The following EPB41L4B variants were observed in gnomAD, a reference collection of about 807,000 sequenced individuals.
The protein encoded by EPB41L4B is erythrocyte membrane protein band 4.1 like 4B.
A neutral mutation model predicts 112.5 loss-of-function variants in EPB41L4B; 30 were observed. The observed-to-expected ratio is 0.27, with a 90% CI of 0.20 to 0.36. The LOEUF (loss-of-function observed/expected upper bound fraction) is 0.36. EPB41L4B is among the 10% of genes least tolerant of loss of function. The pLI is 1.00. For missense variants in EPB41L4B, 1,024 were observed against 1,133.3 expected, an observed-to-expected ratio of 0.90 and a Z score of 1.38; for synonymous variants, 408 against 439.7, an observed-to-expected ratio of 0.93 and a Z score of 0.90.
At chr9:109,189,350 G>A (rs1035436335) in intron 22 of EPB41L4B, among the ~76,000 whole-genome samples, 5 of 152,226 alleles carry the variant, frequency 3.3e-5, no homozygotes, top group South Asian at 2.1e-4. Flanking sequence ...GTTGGAAAGA[G>A]TGTTTCTTTG....
intron 15 of EPB41L4B, among the ~76,000 whole-genome samples, chr9:109,222,754 GGCT>G (rs1415359151): frequency 6.6e-6 from 1 of 152,132 alleles, no homozygotes; most frequent in Non-Finnish European, 1.5e-5. Flanking sequence ...TGGAAGAAGG[GGCT>G]GCTATGTGCC....
Position 109,213,598 on chromosome 9 carries a change from C to T in EPB41L4B, c.1752+102G>A, listed in dbSNP as rs1833256499. 2.2e-5 allele frequency: 20 copies of T among 921,360 alleles called. No individual in the cohort carries two copies. The Admixed American group carries it at 3.6e-4, about 17-fold the overall frequency. The allele number at this position is 921,360 out of a possible 1,614,324, so 57.1% of individuals were successfully genotyped here. ...AGGAAAGATGGAATAGAGATCCCTC[C>T]AAGGCAAAGGCACTTGGTTTAGCAG... is the stretch of plus-strand genomic sequence containing the variant. On this transcript the variant is annotated intron_variant, in intron 17 of 25. Transcript: ENST00000374566.
rs192992314 is a variant in EPB41L4B at position 109,296,705 on chromosome 9, G to C, written c.307-16784C>G. Among the ~76,000 whole-genome samples the C allele has an allele frequency of 3.3e-5, 5 of 152,058 alleles. No individual in the cohort carries two copies. The East Asian group carries it at 9.7e-4, about 30-fold the overall frequency. On this transcript the variant is annotated intron_variant, in intron 1 of 25. Coordinates refer to ENST00000374566, the MANE Select transcript of EPB41L4B (RefSeq NM_019114.5). ...ATTCAAGATTGGCATGGGCAACACA[G>C]CCAGACCTCCATCTCTACACAAAAT...
Position 109,265,087 on chromosome 9 carries a change from CT to C in EPB41L4B, c.534-64del, listed in dbSNP as rs1003276964. 13 of 1,392,900 alleles carry C rather than the reference CT, an allele frequency of 9.3e-6. No homozygotes were observed. In the African/African-American group the frequency reaches 1.7e-4, roughly 18 times the overall value. 86.3% of individuals were successfully genotyped at this position (1,392,900 alleles called of 1,614,324 possible). ...TTTCCCAGCTGCTCCCAATCCCCAG[CT>C]TCCCACTGCAAACCCCACCCCACAC... On this transcript the variant is annotated intron_variant, in intron 4 of 25. Transcript: ENST00000374566.
At chr9:109,178,901 GT>G (rs1831945342) in intron 24 of EPB41L4B, among the ~76,000 whole-genome samples, 2 of 9,914 alleles carry the variant, frequency 2.0e-4, no homozygotes, top group Non-Finnish European at 1.9e-4. Context: ...TATACTTCAA[GT>G]AAAAAAAAAA....
At chr9:109,209,620 A>G (rs1419161571) in intron 17 of EPB41L4B, among the ~76,000 whole-genome samples, 2 of 150,400 alleles carry the variant, frequency 1.3e-5, no homozygotes, top group Non-Finnish European at 3.0e-5. Context: ...GCACTCCAGC[A>G]TGGGCAACAG....
intron 13 of EPB41L4B, among the ~76,000 whole-genome samples, chr9:109,248,456 C>A (rs1171153952): frequency 3.3e-5 from 5 of 152,196 alleles, no homozygotes; most frequent in African/African-American, 1.2e-4. Context: ...AGTTGGGAAA[C>A]CTGCTCAGGG....
At chr9:109,240,627 CAT>C in intron 15 of EPB41L4B, 1 of 985,416 alleles carries the variant, frequency 1.0e-6, no homozygotes. Flanking sequence ...TAAAAGACAA[CAT>C]ATTGATTTCT....
intron 24 of EPB41L4B, among the ~76,000 whole-genome samples, chr9:109,178,799 A>T (rs1053634674): frequency 6.6e-6 from 1 of 150,922 alleles, no homozygotes; most frequent in Non-Finnish European, 1.5e-5. Flanking sequence ...TGATGGTGCA[A>T]AGGTGATAGT....
intron 6 of EPB41L4B, among the ~76,000 whole-genome samples, chr9:109,259,378 G>C (rs778050753): frequency 6.6e-6 from 1 of 152,180 alleles, no homozygotes; most frequent in African/African-American, 2.4e-5. Flanking sequence ...TCTGGAACCC[G>C]GCCTAAGAAC....
chr9:109,202,654 A>G (rs950982177), intron 19 of EPB41L4B, among the ~76,000 whole-genome samples: 5 of 152,176 alleles, frequency 3.3e-5, no homozygotes, highest in Admixed American at 2.6e-4. Context: ...AGATCAGGGG[A>G]GGAAGGACTT....
At chr9:109,314,418 G>C (rs139912796) in intron 1 of EPB41L4B, among the ~76,000 whole-genome samples, 1 of 152,170 alleles carries the variant, frequency 6.6e-6, no homozygotes, top group Non-Finnish European at 1.5e-5. Context: ...TTATGCACGT[G>C]AAAGTGCTTA....
chr9:109,302,887 T>C (rs552811293), intron 1 of EPB41L4B, among the ~76,000 whole-genome samples: 2 of 152,118 alleles, frequency 1.3e-5, no homozygotes, highest in East Asian at 1.9e-4. Flanking sequence ...TAAGAGACAG[T>C]GTAATATAAA....
intron 25 of EPB41L4B, 98 bp from the exon 26 acceptor site, chr9:109,174,721 G>A (rs10816774): frequency 0.15 from 148,516 of 973,528 alleles, 12,113 homozygotes; most frequent in East Asian, 0.26. Flanking sequence ...CCTGATCTCA[G>A]TGTTGGACTT....
chr9:109,212,065 T>TC (rs1833201431), intron 17 of EPB41L4B, among the ~76,000 whole-genome samples: 3 of 152,052 alleles, frequency 2.0e-5, no homozygotes, highest in Non-Finnish European at 4.4e-5. Flanking sequence ...TAACTTGACC[T>TC]CCAGGGAAAT....
intron 18 of EPB41L4B, among the ~76,000 whole-genome samples, chr9:109,207,635 C>T (rs1199698350): frequency 6.6e-6 from 1 of 152,062 alleles, no homozygotes; most frequent in African/African-American, 2.4e-5. Flanking sequence ...TGAGCCCCCA[C>T]CCCAATTTAC....
chr9:109,234,612 C>T (rs1834074290), intron 15 of EPB41L4B, among the ~76,000 whole-genome samples: 1 of 152,328 alleles, frequency 6.6e-6, no homozygotes, highest in Middle Eastern at 3.4e-3. Context: ...CCCCTGTAAA[C>T]CCAGTATTTG....
At chr9:109,183,067 C>T (rs571025021) in intron 23 of EPB41L4B, among the ~76,000 whole-genome samples, 1 of 152,130 alleles carries the variant, frequency 6.6e-6, no homozygotes, top group African/African-American at 2.4e-5. Flanking sequence ...CTTGCCTCCC[C>T]CTGGAGCTGC....
chr9:109,249,868 A>G (rs1216511771), intron 13 of EPB41L4B, among the ~76,000 whole-genome samples: 1 of 152,208 alleles, frequency 6.6e-6, no homozygotes. Flanking sequence ...TCAGATGCTG[A>G]GAACAAAACC....
Sources: allele counts gnomAD v4.1 joint callset (sites outside exome capture counted in the v4.1 genomes callset), GRCh38; gene constraint gnomAD v4.1.1; transcripts MANE v1.5; gene names NCBI Gene and HGNC (gene_info 2026-07-23, HGNC 2026-07-21).